DGKB: variants seen among roughly 807,000 people sequenced by gnomAD.
DGKB encodes the protein 90 kDa diacylglycerol kinase.
DGKB carries 67 observed loss-of-function variants against 114.3 expected under a neutral mutation model. The ratio of observed to expected loss-of-function variants is 0.59; its 90% confidence interval spans 0.48 to 0.72. The LOEUF (loss-of-function observed/expected upper bound fraction) is 0.72, where lower values mean the gene tolerates loss of function less well. DGKB is among the 30% of genes least tolerant of loss of function. DGKB has a pLI of 0.00. For missense variants in DGKB, 907 were observed against 975.2 expected (o/e 0.93, Z 0.93); for synonymous variants, 398 against 323.1 (o/e 1.23, Z -2.49).
At chr7:14,227,878 A>G (rs1461808406) in intron 23 of DGKB, among the ~76,000 whole-genome samples, 2 of 152,064 alleles carry the variant, frequency 1.3e-5, no homozygotes, top group Non-Finnish European at 1.5e-5. Flanking sequence ...TATGTTCAGA[A>G]TTCTGAATGA....
intron 3 of DGKB, among the ~76,000 whole-genome samples, chr7:14,756,560 G>A (rs370517046): frequency 4.6e-5 from 7 of 151,814 alleles, no homozygotes; most frequent in African/African-American, 1.7e-4. Context: ...TTACAGTAAT[G>A]TACCAGAATG....
intron 23 of DGKB, among the ~76,000 whole-genome samples, chr7:14,178,818 T>C (rs1782208140): frequency 6.6e-6 from 1 of 152,168 alleles, no homozygotes; most frequent in Admixed American, 6.5e-5. Flanking sequence ...TATTAAATTT[T>C]TTTTTAGCAG....
At chr7:14,966,637 C>T (rs995412560) in intron 1 of DGKB, among the ~76,000 whole-genome samples, 4 of 152,004 alleles carry the variant, frequency 2.6e-5, no homozygotes, top group African/African-American at 9.7e-5. Context: ...TTGTTTACTG[C>T]CTGAGCTTGT....
chr7:14,270,223 C>T (rs1036859942), intron 23 of DGKB, among the ~76,000 whole-genome samples: 1 of 152,150 alleles, frequency 6.6e-6, no homozygotes, highest in Non-Finnish European at 1.5e-5. Flanking sequence ...AGGCTATGCT[C>T]TCCGTTTCTC....
At chr7:14,941,910 CAGTT>C (rs1433722774) in intron 1 of DGKB, among the ~76,000 whole-genome samples, 1 of 151,938 alleles carries the variant, frequency 6.6e-6, no homozygotes, top group African/African-American at 2.4e-5. Context: ...CCTTTAGTAA[CAGTT>C]AATTTTAGAA....
intron 2 of DGKB, among the ~76,000 whole-genome samples, chr7:14,784,123 A>G (rs1358420508): frequency 6.6e-6 from 1 of 152,114 alleles, no homozygotes; most frequent in Non-Finnish European, 1.5e-5. Context: ...CTTGAAGTAA[A>G]TATAATTAGA....
chr7:14,258,163 A>ATAAGT (rs1554309504), intron 23 of DGKB, among the ~76,000 whole-genome samples: 1 of 152,242 alleles, frequency 6.6e-6, no homozygotes, highest in Non-Finnish European at 1.5e-5. Context: ...AGGGATTAAT[A>ATAAGT]TAAGTTTTAT....
At chr7:14,372,153 A>T (rs1442933374) in intron 21 of DGKB, among the ~76,000 whole-genome samples, 1 of 152,138 alleles carries the variant, frequency 6.6e-6, no homozygotes, top group Non-Finnish European at 1.5e-5. Context: ...TCAGATCTTC[A>T]GTGGAAATGT....
intron 9 of DGKB, among the ~76,000 whole-genome samples, chr7:14,689,132 A>G (rs1303873846): frequency 6.6e-6 from 1 of 151,270 alleles, no homozygotes. Flanking sequence ...AAGAACATTA[A>G]ATTACCTTAC....
Position 14,345,407 on chromosome 7 carries a change from A to G in DGKB, c.1836-16T>C. Reference sequence around the variant, plus strand: ...GTTCTTCATTCTGAAAAAGAAAAGGAAGAAGCACCTTAGGCAATTATCAAT... The same window carrying G: ...GTTCTTCATTCTGAAAAAGAAAAGGGAGAAGCACCTTAGGCAATTATCAAT... On this transcript the variant is annotated splice_polypyrimidine_tract_variant and intron_variant, in intron 21 of 25. Coordinates refer to ENST00000402815, the MANE Select transcript of DGKB (RefSeq NM_001350709.2). The G allele has an allele frequency of 7.3e-7, 1 of 1,371,840 alleles. No individual in the cohort carries two copies. Among genetic ancestry groups the G allele is most frequent in the Non-Finnish European group, 1.0e-6 (1 of 991,726 alleles). The allele number at this position is 1,371,840 out of a possible 1,614,324, so 85.0% of individuals were successfully genotyped here.
chr7:14,758,892 G>GATAGAT (rs1166040157), intron 2 of DGKB, among the ~76,000 whole-genome samples: 1 of 116,658 alleles, frequency 8.6e-6, no homozygotes, highest in African/African-American at 5.1e-5. Context: ...ACAATAGATA[G>GATAGAT]ATAGATAGAT....
At chr7:14,415,889 A>G (rs1205090669) in intron 21 of DGKB, among the ~76,000 whole-genome samples, 1 of 152,148 alleles carries the variant, frequency 6.6e-6, no homozygotes, top group Non-Finnish European at 1.5e-5. Flanking sequence ...TCCCACCTAC[A>G]GTGTAAAAGT....
intron 1 of DGKB, among the ~76,000 whole-genome samples, chr7:14,851,487 C>G (rs1482879728): frequency 6.6e-6 from 1 of 152,004 alleles, no homozygotes; most frequent in African/African-American, 2.4e-5. Context: ...AGAATCTTCT[C>G]AATATGAAAT....
At chr7:14,771,708 T>G (rs2128472611) in intron 2 of DGKB, among the ~76,000 whole-genome samples, 1 of 152,196 alleles carries the variant, frequency 6.6e-6, no homozygotes, top group Non-Finnish European at 1.5e-5. Flanking sequence ...TTCCCCAAAA[T>G]ATATTTCCCT....
chr7:14,249,653 T>A (rs1794950964), intron 23 of DGKB, among the ~76,000 whole-genome samples: 2 of 152,164 alleles, frequency 1.3e-5, no homozygotes, highest in Admixed American at 1.3e-4. Context: ...CCTCTTATGA[T>A]CCTTTGAATT....
chr7:14,405,768 T>C (rs1425166533), intron 21 of DGKB, among the ~76,000 whole-genome samples: 1 of 151,998 alleles, frequency 6.6e-6, no homozygotes, highest in African/African-American at 2.4e-5. Flanking sequence ...TTTTAAGAGA[T>C]GATGTCTAGA....
intron 13 of DGKB, among the ~76,000 whole-genome samples, chr7:14,645,212 A>T (rs144783757): frequency 4.5e-4 from 68 of 152,174 alleles, no homozygotes; most frequent in African/African-American, 1.6e-3. Context: ...GTCCTCTCTC[A>T]TTGCCGAGAG....
chr7:14,864,789 G>T (rs921109158), intron 1 of DGKB, among the ~76,000 whole-genome samples: 1 of 118,446 alleles, frequency 8.4e-6, no homozygotes, highest in African/African-American at 2.5e-5. Flanking sequence ...GATAAGAGAT[G>T]ATGACAAAAA....
intron 1 of DGKB, among the ~76,000 whole-genome samples, chr7:14,896,665 T>A (rs1782149636): frequency 6.6e-6 from 1 of 151,756 alleles, no homozygotes; most frequent in Non-Finnish European, 1.5e-5. Context: ...TTTAATTTTA[T>A]GAAATGGCTT....
Sources: gnomAD v4.1 joint callset for allele counts (sites outside exome capture counted in the v4.1 genomes callset) on GRCh38, gnomAD v4.1.1 for gene constraint, MANE v1.5 for transcripts, NCBI Gene and HGNC (gene_info 2026-07-23, HGNC 2026-07-21) for gene names.